Variants in EYS observed in about 807,000 individuals in gnomAD.
The protein encoded by EYS is protein eyes shut homolog.
EYS carries 250 observed loss-of-function variants against 282.1 expected under a neutral mutation model. The ratio of observed to expected loss-of-function variants is 0.89; its 90% confidence interval spans 0.80 to 0.98. The LOEUF (loss-of-function observed/expected upper bound fraction) is 0.98. EYS is among the 50% of genes least tolerant of loss of function. The pLI, the probability that EYS is intolerant of heterozygous loss-of-function variation, is 0.00. For missense variants in EYS, 4,016 were observed against 3,709.0 expected (o/e 1.08, Z -2.15); for synonymous variants, 1,355 against 1,282.9 (o/e 1.06, Z -1.20).
intron 11 of EYS, 70 bp from the exon 12 acceptor site, chr6:65,296,189 C>A: frequency 1.5e-6 from 2 of 1,311,118 alleles, no homozygotes; most frequent in South Asian, 1.5e-5. Context: ...GTATTTAAAT[C>A]ACACATTTAT....
intron 2 of EYS, among the ~76,000 whole-genome samples, chr6:65,586,248 T>C (rs1047040260): frequency 4.6e-5 from 7 of 152,066 alleles, no homozygotes; most frequent in Non-Finnish European, 1.0e-4. Context: ...GAAGGATTTA[T>C]AGAACAACAA....
intron 12 of EYS, among the ~76,000 whole-genome samples, chr6:65,259,826 T>C (rs1246084206): frequency 6.6e-6 from 1 of 151,918 alleles, no homozygotes; most frequent in Non-Finnish European, 1.5e-5. Context: ...TAATGAAAAA[T>C]GACTAAGACC....
At chr6:65,229,076 A>G (rs1766702357) in intron 12 of EYS, among the ~76,000 whole-genome samples, 1 of 152,034 alleles carries the variant, frequency 6.6e-6, no homozygotes, top group Non-Finnish European at 1.5e-5. Context: ...GACAAAATTG[A>G]GCAAAGAAAC....
At position 64,548,192 on chromosome 6, in the gene EYS, G is replaced by T. The variant is rs557579136; in HGVS notation, c.5644+42031C>A. Among the ~76,000 whole-genome samples the T allele has an allele frequency of 2.0e-5, 3 of 152,292 alleles. No individual in the cohort carries two copies. In the East Asian group the frequency reaches 5.8e-4, roughly 30 times the overall value. On this transcript the variant is annotated intron_variant, in intron 26 of 42. Transcript: ENST00000503581. ...AGAGGAGGCACCAAGAGCAAGCGAG[G>T]GCTGCGAGGGCTGTCAGCACGCTGT...
At chr6:65,137,620 A>T (rs1213609856) in intron 12 of EYS, among the ~76,000 whole-genome samples, 1 of 152,002 alleles carries the variant, frequency 6.6e-6, no homozygotes, top group Non-Finnish European at 1.5e-5. Flanking sequence ...AAATTAGCTC[A>T]TGTGAGTGAT....
chr6:64,458,404 T>C (rs536109136), intron 26 of EYS, among the ~76,000 whole-genome samples: 1 of 152,158 alleles, frequency 6.6e-6, no homozygotes, highest in East Asian at 1.9e-4. Context: ...AAAAGTCTTA[T>C]TTCTCCTTTA....
At chr6:64,176,775 T>G (rs977303912) in intron 31 of EYS, among the ~76,000 whole-genome samples, 1 of 152,094 alleles carries the variant, frequency 6.6e-6, no homozygotes, top group Non-Finnish European at 1.5e-5. Flanking sequence ...TGTTGTTCAG[T>G]TTTTGAAGTG....
At chr6:65,392,137 G>T (rs1185491103) in intron 7 of EYS, among the ~76,000 whole-genome samples, 1 of 152,006 alleles carries the variant, frequency 6.6e-6, no homozygotes, top group Non-Finnish European at 1.5e-5. Context: ...GCTGAAACTG[G>T]ATCCCTTCCT....
At chr6:64,829,265 G>A (rs1765147467) in intron 19 of EYS, among the ~76,000 whole-genome samples, 1 of 152,008 alleles carries the variant, frequency 6.6e-6, no homozygotes, top group African/African-American at 2.4e-5. Flanking sequence ...TCTGGCATCA[G>A]CCACCACAAT....
chr6:64,512,356 C>T (rs16895402), intron 26 of EYS, among the ~76,000 whole-genome samples: 11 of 152,022 alleles, frequency 7.2e-5, no homozygotes, highest in South Asian at 6.2e-4. Context: ...AGCCAAAATA[C>T]GCAATCTATT....
chr6:64,533,153 C>A (rs1036642161), intron 26 of EYS, among the ~76,000 whole-genome samples: 1 of 152,078 alleles, frequency 6.6e-6, no homozygotes, highest in Non-Finnish European at 1.5e-5. Flanking sequence ...CCATAGTAAT[C>A]GTCTAAATCA....
At chr6:64,149,008 C>T (rs1255621862) in intron 31 of EYS, among the ~76,000 whole-genome samples, 1 of 152,178 alleles carries the variant, frequency 6.6e-6, no homozygotes, top group African/African-American at 2.4e-5. Flanking sequence ...ATTATTGAGA[C>T]ACTTTCATAA....
At chr6:65,047,495 T>TTA (rs1163341556) in intron 13 of EYS, among the ~76,000 whole-genome samples, 1 of 151,988 alleles carries the variant, frequency 6.6e-6, no homozygotes, top group East Asian at 1.9e-4. Context: ...AGATTTATGA[T>TTA]TATATGTTTC....
chr6:64,047,176 T>C (rs1770656638), intron 33 of EYS, among the ~76,000 whole-genome samples: 1 of 135,334 alleles, frequency 7.4e-6, no homozygotes. Context: ...AGTGTGTCAT[T>C]AGGTTAAAAA....
rs78672584 is a variant in EYS at position 65,273,190 on chromosome 6, C to T, written c.2023+22673G>A. Among the ~76,000 whole-genome samples the T allele has an allele frequency of 5.0e-3, 766 of 152,180 alleles. 4 individuals carry two copies. Among genetic ancestry groups the T allele is most frequent in the African/African-American group, 0.018 (728 of 41,542 alleles). On this transcript the variant is annotated intron_variant, in intron 12 of 42. Transcript: ENST00000503581. ...TGAATGGTTTATTTCTGGAATTTTCCATTTAATATTTTGGACAGTAGTCAA... is the reference window on the plus strand; with the variant it reads ...TGAATGGTTTATTTCTGGAATTTTCTATTTAATATTTTGGACAGTAGTCAA...
intron 5 of EYS, among the ~76,000 whole-genome samples, chr6:65,484,505 G>T (rs564486229): frequency 2.0e-4 from 31 of 152,216 alleles, no homozygotes; most frequent in African/African-American, 7.0e-4. Flanking sequence ...CTTTCCAGAT[G>T]CAGATTTTAT....
intron 14 of EYS, among the ~76,000 whole-genome samples, chr6:64,985,779 G>C (rs1770840199): frequency 6.6e-6 from 1 of 151,440 alleles, no homozygotes; most frequent in South Asian, 2.1e-4. Flanking sequence ...GGCAATCTTA[G>C]ACTGAATTTA....
At chr6:64,972,789 T>C (rs187539936) in intron 14 of EYS, among the ~76,000 whole-genome samples, 1 of 152,250 alleles carries the variant, frequency 6.6e-6, no homozygotes, top group East Asian at 1.9e-4. Flanking sequence ...TTTCAGGGGT[T>C]GGTGCCCCCA....
intron 12 of EYS, among the ~76,000 whole-genome samples, chr6:65,249,350 T>C (rs1055343150): frequency 1.3e-5 from 2 of 151,818 alleles, no homozygotes; most frequent in Admixed American, 1.3e-4. Context: ...GCCGTGAAAA[T>C]AAATAAGACA....
Sources: gnomAD v4.1 joint callset for allele counts (sites outside exome capture counted in the v4.1 genomes callset) on GRCh38, gnomAD v4.1.1 for gene constraint, MANE v1.5 for transcripts, NCBI Gene and HGNC (gene_info 2026-07-23, HGNC 2026-07-21) for gene names.